NPL: variants seen among roughly 807,000 people sequenced by gnomAD.
NPL encodes N-acetylneuraminate pyruvate lyase.
Under a neutral mutation model 41.1 loss-of-function variants are expected in NPL, and 32 were observed. That is an observed-to-expected ratio of 0.78 (90% confidence interval 0.59 to 1.05). The LOEUF is 1.05. Ranked by LOEUF, NPL falls within the 50% of genes least tolerant of loss-of-function variation. The pLI is 0.00. For synonymous variants in NPL, 128 were observed against 134.9 expected (o/e 0.95, Z 0.35); for missense variants, 321 against 378.4 (o/e 0.85, Z 1.26).
At chr1:182,824,008 A>G (rs752063166) in intron 11 of NPL, among the ~76,000 whole-genome samples, 39 of 152,238 alleles carry the variant, frequency 2.6e-4, no homozygotes, top group Non-Finnish European at 4.7e-4. Flanking sequence ...GCTCTTAAAG[A>G]GCTTGTAGTC....
intron 2 of NPL, 147 bp from the exon 3 acceptor site, chr1:182,794,209 T>C (rs925916422): frequency 9.2e-6 from 7 of 764,540 alleles, no homozygotes; most frequent in Admixed American, 1.9e-5. Flanking sequence ...AATTAAGCAC[T>C]AAAATTTTAC....
At chr1:182,808,490 C>T (rs907681021) in intron 5 of NPL, among the ~76,000 whole-genome samples, 2 of 152,010 alleles carry the variant, frequency 1.3e-5, no homozygotes, top group Non-Finnish European at 2.9e-5. Flanking sequence ...TGCAGCTGAT[C>T]CTCACAAAAA....
chr1:182,813,346 A>T (rs1315897018), intron 6 of NPL, among the ~76,000 whole-genome samples: 1 of 152,064 alleles, frequency 6.6e-6, no homozygotes, highest in East Asian at 1.9e-4. Flanking sequence ...TAGAAATGGG[A>T]TGTATAATAT....
Position 182,829,979 on chromosome 1 carries a change from G to C in NPL, c.*1071G>C. On this transcript the variant is annotated 3_prime_UTR_variant, in exon 13 of 13. Coordinates refer to ENST00000367553, the MANE Select transcript of NPL (RefSeq NM_030769.3). Reference sequence around the variant, plus strand: ...GTTAACCCTTACTGATTTTAAACTTGACTATCCAGTCTGTTAATTACCTAA... The same window carrying C: ...GTTAACCCTTACTGATTTTAAACTTCACTATCCAGTCTGTTAATTACCTAA... 1 of 215,256 alleles carries C rather than the reference G, an allele frequency of 4.6e-6. No individual in the cohort carries two copies. Among genetic ancestry groups the C allele is most frequent in the East Asian group, 9.5e-5 (1 of 10,552 alleles). The allele number at this position is 215,256 out of a possible 1,614,324, so 13.3% of individuals were successfully genotyped here.
intron 3 of NPL, among the ~76,000 whole-genome samples, chr1:182,800,034 A>G (rs546925691): frequency 2.6e-5 from 4 of 152,180 alleles, no homozygotes; most frequent in Admixed American, 6.5e-5. Flanking sequence ...GAATAATCCA[A>G]TCTCATTGTT....
intron 5 of NPL, 90 bp downstream of exon 5, chr1:182,806,322 T>C: frequency 6.3e-7 from 1 of 1,581,798 alleles, no homozygotes; most frequent in Non-Finnish European, 8.6e-7. Flanking sequence ...CCCTGCTTCC[T>C]GGTCAGAGCC....
intron 4 of NPL, among the ~76,000 whole-genome samples, chr1:182,804,865 G>A (rs1458891381): frequency 6.6e-6 from 1 of 152,208 alleles, no homozygotes; most frequent in Non-Finnish European, 1.5e-5. Context: ...CTAAGCCATA[G>A]TGGAGAAGGC....
chr1:182,799,214 A>C (rs549246510), intron 3 of NPL, among the ~76,000 whole-genome samples: 1 of 152,316 alleles, frequency 6.6e-6, no homozygotes, highest in African/African-American at 2.4e-5. Context: ...TCTGGACCTC[A>C]ATTTGTGGCA....
chr1:182,818,391 C>A, intron 8 of NPL, 150 bp from the exon 9 acceptor site: 1 of 889,580 alleles, frequency 1.1e-6, no homozygotes, highest in South Asian at 1.4e-5. Flanking sequence ...CACATAGGAG[C>A]TGCTAGTCAG....
Position 182,804,196 on chromosome 1 carries a change from T to C in NPL, c.142+425T>C, listed in dbSNP as rs991459345. ...CCTGGGCTGGAATGCAGTGGCACCA[T>C]CAGCTCACTGCAACCTCTACCTCCC... On this transcript the variant is annotated intron_variant, in intron 4 of 12. Transcript: ENST00000367553. Among the ~76,000 whole-genome samples, 5 of 152,188 alleles carry C rather than the reference T, an allele frequency of 3.3e-5. No individual in the cohort carries two copies. The East Asian group carries it at 9.6e-4, about 29-fold the overall frequency.
intron 5 of NPL, among the ~76,000 whole-genome samples, chr1:182,806,774 A>G (rs1162437564): frequency 6.6e-6 from 1 of 152,164 alleles, no homozygotes; most frequent in Non-Finnish European, 1.5e-5. Flanking sequence ...AATTCATGCC[A>G]TGGTTGAACA....
chr1:182,829,521 C>G lies in NPL; in HGVS notation c.*613C>G. 1 of 1,510,186 alleles carries G rather than the reference C, an allele frequency of 6.6e-7. No individual in the cohort carries two copies. The highest frequency in any genetic ancestry group is 8.9e-7 in the Non-Finnish European group (1 of 1,118,032). The allele number at this position is 1,510,186 out of a possible 1,614,324, so 93.5% of individuals were successfully genotyped here. A position where few individuals can be genotyped will look rare whatever the true frequency, so the allele number is the denominator to read the frequency against. On this transcript the variant is annotated 3_prime_UTR_variant, in exon 13 of 13. Coordinates refer to ENST00000367553, the MANE Select transcript of NPL (RefSeq NM_030769.3). ...TGAGGACTTGTTTCAGTTCCTATAA[C>G]TAAGTAAAGGGCGGCTTTCTCATAA...
At chr1:182,805,417 G>A (rs1045009592) in intron 4 of NPL, among the ~76,000 whole-genome samples, 15 of 152,214 alleles carry the variant, frequency 9.9e-5, no homozygotes, top group African/African-American at 3.4e-4. Context: ...GGCGACAAGA[G>A]CAAAATTCTG....
chr1:182,812,562 A>T (rs1393888044), intron 6 of NPL, among the ~76,000 whole-genome samples: 1 of 152,200 alleles, frequency 6.6e-6, no homozygotes, highest in Non-Finnish European at 1.5e-5. Context: ...GGGACAAAGG[A>T]TAGAGTAAAG....
chr1:182,814,965 A>G (rs1280359282), intron 7 of NPL, 107 bp downstream of exon 7: 3 of 902,900 alleles, frequency 3.3e-6, no homozygotes, highest in East Asian at 5.1e-5. Flanking sequence ...TATAGATTGG[A>G]GGCTTGAAGT....
At chr1:182,810,617 ATTCT>A (rs1667147947) in intron 5 of NPL, among the ~76,000 whole-genome samples, 1 of 151,838 alleles carries the variant, frequency 6.6e-6, no homozygotes, top group Non-Finnish European at 1.5e-5. Context: ...ATCCCTAATG[ATTCT>A]TTATCTTTAC....
chr1:182,822,272 C>T, intron 11 of NPL, 73 bp downstream of exon 11: 1 of 956,046 alleles, frequency 1.0e-6, no homozygotes, highest in Non-Finnish European at 1.7e-6. Context: ...TTTCTTCTCT[C>T]TACCATGCCT....
chr1:182,800,507 T>C (rs899116389), intron 3 of NPL, among the ~76,000 whole-genome samples: 2 of 151,106 alleles, frequency 1.3e-5, no homozygotes, highest in African/African-American at 4.9e-5. Flanking sequence ...ACCCTGCCTT[T>C]TGGGTACCTA....
intron 10 of NPL, among the ~76,000 whole-genome samples, chr1:182,821,791 T>C (rs139661838): frequency 1.2e-4 from 19 of 152,350 alleles, no homozygotes; most frequent in African/African-American, 3.8e-4. Flanking sequence ...TCCACAGTTC[T>C]TGTCTAGCAT....
Sources: allele counts gnomAD v4.1 joint callset (sites outside exome capture counted in the v4.1 genomes callset), GRCh38; gene constraint gnomAD v4.1.1; transcripts MANE v1.5; gene names NCBI Gene and HGNC (gene_info 2026-07-23, HGNC 2026-07-21).